LRRC8D: variants seen among roughly 807,000 people sequenced by gnomAD.
The protein encoded by LRRC8D is volume-regulated anion channel subunit LRRC8D.
LRRC8D carries 20 observed loss-of-function variants against 55.8 expected under a neutral mutation model. The ratio of observed to expected loss-of-function variants is 0.36; its 90% CI spans 0.25 to 0.52. LRRC8D has a LOEUF of 0.52. LRRC8D is among the 20% of genes least tolerant of loss of function. LRRC8D has a pLI of 0.93. For synonymous variants in LRRC8D, 352 were observed against 377.0 expected, an observed-to-expected ratio of 0.93 and a Z score of 0.77; for missense variants, 651 against 1,030.8, an observed-to-expected ratio of 0.63 and a Z score of 5.05.
Position 89,934,395 on chromosome 1 carries a change from GA to G in LRRC8D, c.1331del (p.Asn444IlefsTer8). On this transcript the variant is annotated frameshift_variant, in exon 3 of 3. Coordinates refer to ENST00000337338, the MANE Select transcript of LRRC8D (RefSeq NM_001134479.2). LOFTEE classifies it high-confidence loss of function. The surrounding 1 kb of genome is among the most constrained non-coding windows in gnomAD (Gnocchi z 5.9). The stretch of plus-strand genomic sequence containing the variant: ...TGGTGTGTTCTTGTCAGAAGTTAGT[GA>G]AAATAAACTTAGGGAAATTAGTTTG... ...RFGVFLSEVS[E>X]NKLREISLNH... 1 of 1,613,750 alleles carries G rather than the reference GA, an allele frequency of 6.2e-7. No individual in the cohort carries two copies. Among genetic ancestry groups the G allele is most frequent in the Non-Finnish European group, 8.5e-7 (1 of 1,180,038 alleles).
chr1:89,923,968 A>G (rs1663489337), intron 2 of LRRC8D, among the ~76,000 whole-genome samples: 1 of 152,258 alleles, frequency 6.6e-6, no homozygotes, highest in African/African-American at 2.4e-5. Context: ...ACCTAAAACA[A>G]TAAAAACTCT....
At chr1:89,828,455 TTTTTTGTTTTG>T (rs1161552314) in intron 1 of LRRC8D, among the ~76,000 whole-genome samples, 119 of 152,300 alleles carry the variant, frequency 7.8e-4, no homozygotes, top group Non-Finnish European at 3.1e-4. Flanking sequence ...AAGAGTCTGG[TTTTTTGTTTTG>T]TTTTTGTTTT....
intron 2 of LRRC8D, among the ~76,000 whole-genome samples, chr1:89,864,674 G>A (rs1033881022): frequency 1.3e-5 from 2 of 151,986 alleles, no homozygotes; most frequent in African/African-American, 2.4e-5. Context: ...ACCCTCCAGT[G>A]AATTCTCATT....
chr1:89,909,117 TAAC>T (rs1251723101), intron 2 of LRRC8D, among the ~76,000 whole-genome samples: 1 of 152,108 alleles, frequency 6.6e-6, no homozygotes, highest in African/African-American at 2.4e-5. Flanking sequence ...TCAACAACAA[TAAC>T]AACAGAATGA....
chr1:89,910,952 C>T (rs1663119842), intron 2 of LRRC8D, among the ~76,000 whole-genome samples: 1 of 152,130 alleles, frequency 6.6e-6, no homozygotes, highest in Non-Finnish European at 1.5e-5. Context: ...TCCCTGTATA[C>T]CATGGTCAAG....
At chr1:89,930,724 G>A (rs1183551737) in intron 2 of LRRC8D, among the ~76,000 whole-genome samples, 3 of 151,568 alleles carry the variant, frequency 2.0e-5, no homozygotes, top group Non-Finnish European at 4.4e-5. Flanking sequence ...TCTAGTCTCT[G>A]TATGTGAAGT....
At chr1:89,879,613 TC>T (rs1256921174) in intron 2 of LRRC8D, among the ~76,000 whole-genome samples, 1 of 152,246 alleles carries the variant, frequency 6.6e-6, no homozygotes, top group African/African-American at 2.4e-5. Flanking sequence ...ATTTCTTTTT[TC>T]TTAAATCATA....
intron 1 of LRRC8D, among the ~76,000 whole-genome samples, chr1:89,829,240 A>G (rs1660832126): frequency 6.6e-6 from 1 of 152,250 alleles, no homozygotes; most frequent in African/African-American, 2.4e-5. Context: ...AATGTATGGA[A>G]CACCTAAAGT....
chr1:89,829,973 T>C (rs1240124078), intron 1 of LRRC8D, among the ~76,000 whole-genome samples: 1 of 152,204 alleles, frequency 6.6e-6, no homozygotes, highest in African/African-American at 2.4e-5. Context: ...AAGATATACC[T>C]AATATTTGCT....
At chr1:89,909,022 G>A (rs1663063522) in intron 2 of LRRC8D, among the ~76,000 whole-genome samples, 2 of 152,138 alleles carry the variant, frequency 1.3e-5, no homozygotes, top group South Asian at 4.2e-4. Flanking sequence ...GGGTGTGTTT[G>A]CGTGTGTGTG....
intron 2 of LRRC8D, among the ~76,000 whole-genome samples, chr1:89,915,085 C>CATT (rs1321185478): frequency 1.3e-5 from 2 of 151,724 alleles, no homozygotes; most frequent in African/African-American, 4.8e-5. Flanking sequence ...GCACCTAGCA[C>CATT]ATTACCTAAG....
rs533797037 is a variant in LRRC8D, at chr1:89,929,362, T to A, written c.-2-3705T>A. Reference sequence around the variant, plus strand: ...GAGAGGCTGAACACAAGGGAGAGAATGGCTTGTTAGAGAAACTGGCAGAAG... The same window carrying A: ...GAGAGGCTGAACACAAGGGAGAGAAAGGCTTGTTAGAGAAACTGGCAGAAG... On this transcript the variant is annotated intron_variant, in intron 2 of 2. Transcript: ENST00000337338. Among the ~76,000 whole-genome samples the A allele has an allele frequency of 5.9e-5, 9 of 152,184 alleles. No individual in the cohort carries two copies. The East Asian group carries it at 1.2e-3, about 20-fold the overall frequency.
chr1:89,837,575 A>G (rs1047191539), intron 1 of LRRC8D, among the ~76,000 whole-genome samples: 10 of 152,210 alleles, frequency 6.6e-5, no homozygotes, highest in African/African-American at 1.9e-4. Context: ...TAACATCTCC[A>G]TGTCCATGTC....
chr1:89,860,052 C>T (rs1337805597), intron 2 of LRRC8D, among the ~76,000 whole-genome samples: 2 of 152,152 alleles, frequency 1.3e-5, no homozygotes, highest in African/African-American at 4.8e-5. Flanking sequence ...GTATTATTTC[C>T]ACTTTATGGA....
Position 89,911,247 on chromosome 1 carries a change from A to G in LRRC8D, c.-2-21820A>G, listed in dbSNP as rs1175008030. On this transcript the variant is annotated intron_variant, in intron 2 of 2. Coordinates refer to ENST00000337338, the MANE Select transcript of LRRC8D (RefSeq NM_001134479.2). The surrounding 1 kb of genome is among the most constrained non-coding windows in gnomAD (Gnocchi z 4.0). ...TTACCTTTTTCCCTTTAGACTTTTC[A>G]AAAAAGAACCTTTTAAAATTTTATG... Among the ~76,000 whole-genome samples the G allele has an allele frequency of 6.6e-6, 1 of 151,870 alleles. No individual in the cohort carries two copies. Among genetic ancestry groups the G allele is most frequent in the African/African-American group, 2.4e-5 (1 of 41,302 alleles).
chr1:89,825,611 A>G (rs1293325655), intron 1 of LRRC8D, among the ~76,000 whole-genome samples: 1 of 152,214 alleles, frequency 6.6e-6, no homozygotes, highest in Non-Finnish European at 1.5e-5. Flanking sequence ...TGACAGCCTT[A>G]TATTTAGAGA....
In LRRC8D at chr1:89,934,896, G is replaced by C. The variant is rs1410651936; in HGVS notation, c.1828G>C (p.Ala610Pro). ...AGTTCCCTCCAACATTACAGATGTG[G>C]CTCCACATCTTACAAAGTTAGTCAT... ...TKVPSNITDV[A>P]PHLTKLVIHN... Residue 610 changes from alanine (A) to proline (P), a missense_variant, in exon 3 of 3, where the codon GCT becomes CCT. By Grantham distance (27) the Ala-to-Pro change is conservative. Coordinates refer to ENST00000337338, the MANE Select transcript of LRRC8D (RefSeq NM_001134479.2). This position sits in a 1 kb window ranked among gnomAD's most constrained non-coding sequence, Gnocchi z 5.9. 2 of 1,613,962 alleles carry C rather than the reference G, an allele frequency of 1.2e-6. No homozygotes were observed. Among genetic ancestry groups the C allele is most frequent in the Non-Finnish European group, 1.7e-6 (2 of 1,180,016 alleles).
At chr1:89,847,967 G>T (rs1328009546) in intron 2 of LRRC8D, among the ~76,000 whole-genome samples, 1 of 152,182 alleles carries the variant, frequency 6.6e-6, no homozygotes, top group East Asian at 1.9e-4. Flanking sequence ...GGGAATTGAG[G>T]CCAAAGCAAA....
chr1:89,869,836 G>A (rs1198900395), intron 2 of LRRC8D, among the ~76,000 whole-genome samples: 15 of 152,214 alleles, frequency 9.9e-5, no homozygotes, highest in African/African-American at 2.4e-4. Flanking sequence ...TTCACACGGC[G>A]TGGTGGCTCA....
Sources: gnomAD v4.1 joint callset for allele counts (sites outside exome capture counted in the v4.1 genomes callset) on GRCh38, gnomAD v4.1.1 for gene constraint, Gnocchi (gnomAD v3.1) non-coding constraint, MANE v1.5 for transcripts, NCBI Gene and HGNC (gene_info 2026-07-23, HGNC 2026-07-21) for gene names.